Variants in SIK3 observed in about 807,000 individuals in gnomAD.
The protein encoded by SIK3 is SIK family kinase 3, also known as serine/threonine-protein kinase SIK3.
SIK3 carries 28 observed loss-of-function variants against 144.2 expected under a neutral mutation model. The ratio of observed to expected loss-of-function variants is 0.19; its 90% CI spans 0.14 to 0.27. The LOEUF is 0.27. Ranked by LOEUF, SIK3 falls within the 10% of genes least tolerant of loss-of-function variation. The probability of loss-of-function intolerance (pLI) is 1.00; values close to 1 mark genes in which losing one functional copy is unlikely to be tolerated. For missense variants in SIK3, 1,319 were observed against 1,776.0 expected, an observed-to-expected ratio of 0.74 and a Z score of 4.62; for synonymous variants, 686 against 676.3, an observed-to-expected ratio of 1.01 and a Z score of -0.22.
intron 3 of SIK3, among the ~76,000 whole-genome samples, chr11:116,941,327 C>A (rs1267326470): frequency 6.7e-6 from 1 of 150,190 alleles, no homozygotes; most frequent in African/African-American, 2.5e-5. Flanking sequence ...TTTTAATAAT[C>A]AAAGGAGTAA....
At chr11:117,087,439 C>A (rs1955065184) in intron 1 of SIK3, among the ~76,000 whole-genome samples, 1 of 148,964 alleles carries the variant, frequency 6.7e-6, no homozygotes, top group Admixed American at 6.6e-5. Context: ...CAAGACTCTG[C>A]CTCAAAAAAA....
chr11:116,940,234 T>G lies in SIK3; in HGVS notation c.455-12854A>C, dbSNP rs1052317209. ...AATATTCCTTTAAGGTTTTTTTGTT[T>G]TTTTTTTTTTTTTGAGACAGAGTCT... On this transcript the variant is annotated intron_variant, in intron 3 of 24. Transcript: ENST00000445177. Among the ~76,000 whole-genome samples the G allele has an allele frequency of 5.3e-5, 8 of 150,476 alleles. No homozygotes were observed. The East Asian group carries it at 5.8e-4, about 11-fold the overall frequency.
intron 1 of SIK3, among the ~76,000 whole-genome samples, chr11:116,993,942 T>C (rs1052609762): frequency 3.3e-5 from 5 of 152,234 alleles, no homozygotes; most frequent in Non-Finnish European, 5.9e-5. Flanking sequence ...TACACATCCG[T>C]GACGAAACAG....
intron 1 of SIK3, among the ~76,000 whole-genome samples, chr11:116,989,920 T>C (rs1371638040): frequency 6.6e-6 from 1 of 152,088 alleles, no homozygotes; most frequent in Non-Finnish European, 1.5e-5. Context: ...GTAAAAGCAA[T>C]TGAAATTTCA....
intron 4 of SIK3, among the ~76,000 whole-genome samples, chr11:116,907,475 C>T (rs548794981): frequency 3.9e-5 from 6 of 152,172 alleles, no homozygotes; most frequent in Admixed American, 6.5e-5. Flanking sequence ...GGCAAAACCC[C>T]GTCTCTACTA....
rs1233018365 is a variant in SIK3, at chr11:116,983,224, C to A, written c.274-26160G>T. 2.4e-5 allele frequency among the ~76,000 whole-genome samples: 3 copies of A among 127,362 alleles called. No individual in the cohort carries two copies. In the East Asian group the frequency reaches 6.5e-4, roughly 28 times the overall value. The allele number at this position is 127,362 out of a possible 152,430, so 83.6% of individuals were successfully genotyped here. ...CCTGGGCGACAGAGCGAGACTCTGT[C>A]TCAAAAAAAAAAAAAAAAATTGATC... is the stretch of plus-strand genomic sequence containing the variant. On this transcript the variant is annotated intron_variant, in intron 1 of 24. Coordinates refer to ENST00000445177, the MANE Select transcript of SIK3 (RefSeq NM_001366686.3).
At chr11:116,850,462 C>T (rs1351270554) in intron 21 of SIK3, among the ~76,000 whole-genome samples, 1 of 152,238 alleles carries the variant, frequency 6.6e-6, no homozygotes, top group Non-Finnish European at 1.5e-5. Flanking sequence ...CATCATTCTA[C>T]ATCCATTATC....
intron 1 of SIK3, among the ~76,000 whole-genome samples, chr11:117,043,107 T>C (rs1315837770): frequency 6.6e-6 from 1 of 152,182 alleles, no homozygotes; most frequent in Non-Finnish European, 1.5e-5. Flanking sequence ...TTATAAATTA[T>C]TGACTTGATG....
intron 14 of SIK3, 72 bp downstream of exon 14, chr11:116,870,259 G>A: frequency 6.2e-7 from 1 of 1,600,320 alleles, no homozygotes; most frequent in Non-Finnish European, 8.5e-7. Flanking sequence ...TCCTTGGGCA[G>A]AGGTGACCTT....
At chr11:117,086,832 T>TA (rs1435516009) in intron 1 of SIK3, among the ~76,000 whole-genome samples, 1 of 151,260 alleles carries the variant, frequency 6.6e-6, no homozygotes, top group African/African-American at 2.4e-5. Context: ...CCGTCTCTAC[T>TA]AAAAATACAA....
rs577100342 is a variant in SIK3, at chr11:116,873,139, G to T, written c.1737+342C>A. ...TTAAGGGCACTTTGGCCTTCTGGCA[G>T]GGAAAGGTTGCCTGGGAGAAGGCTC... On this transcript the variant is annotated intron_variant, in intron 13 of 24. Transcript: ENST00000445177. 1.1e-3 allele frequency among the ~76,000 whole-genome samples: 165 copies of T among 152,362 alleles called. 1 individual carries two copies. The highest frequency in any genetic ancestry group is 3.2e-3 in the African/African-American group (135 of 41,588).
intron 1 of SIK3, among the ~76,000 whole-genome samples, chr11:117,036,499 T>C (rs1358653443): frequency 6.6e-6 from 1 of 152,202 alleles, no homozygotes; most frequent in Non-Finnish European, 1.5e-5. Context: ...AGGTTTGTAT[T>C]TTCCCCTAAA....
At chr11:116,899,206 C>T (rs1209875818) in intron 4 of SIK3, among the ~76,000 whole-genome samples, 1 of 151,880 alleles carries the variant, frequency 6.6e-6, no homozygotes, top group Non-Finnish European at 1.5e-5. Flanking sequence ...CCAGTTTTCC[C>T]AGCACCATTT....
chr11:117,035,475 A>G (rs1162402419), intron 1 of SIK3, among the ~76,000 whole-genome samples: 1 of 152,206 alleles, frequency 6.6e-6, no homozygotes, highest in Non-Finnish European at 1.5e-5. Flanking sequence ...TCCATTTTAA[A>G]GCTTTGGCTA....
rs557253618 is a variant in SIK3 at position 116,931,887 on chromosome 11, G to A, written c.455-4507C>T. Among the ~76,000 whole-genome samples, 13 of 152,262 alleles carry A rather than the reference G, an allele frequency of 8.5e-5. 1 individual carries two copies. The South Asian group carries it at 2.7e-3, about 32-fold the overall frequency. ...TCCTATTGTCCTCTAACTCCCAGGC[G>A]TGGCTGCCACTGACTAGAGGAAGAG... On this transcript the variant is annotated intron_variant, in intron 3 of 24. Transcript: ENST00000445177.
intron 4 of SIK3, among the ~76,000 whole-genome samples, chr11:116,902,696 C>T (rs961732631): frequency 1.3e-5 from 2 of 152,210 alleles, no homozygotes; most frequent in African/African-American, 2.4e-5. Context: ...ATCCTCTAGT[C>T]TCAGAAACCT....
chr11:116,983,190 G>A (rs894854211), intron 1 of SIK3, among the ~76,000 whole-genome samples: 15 of 149,132 alleles, frequency 1.0e-4, no homozygotes, highest in Admixed American at 4.7e-4. Flanking sequence ...TTCGGCCACT[G>A]CACACCAGCC....
intron 1 of SIK3, among the ~76,000 whole-genome samples, chr11:117,068,566 T>C (rs370434979): frequency 2.0e-4 from 30 of 152,258 alleles, no homozygotes; most frequent in South Asian, 6.2e-4. Flanking sequence ...CTGGGCAATA[T>C]AGCGAGACCC....
At chr11:116,862,135 TGCA>T in intron 17 of SIK3, 64 bp downstream of exon 17, 2 of 1,610,810 alleles carry the variant, frequency 1.2e-6, no homozygotes, top group South Asian at 2.2e-5. Context: ...TCCTCCAAAA[TGCA>T]CAGGCAAATC....
Sources: gnomAD v4.1 joint callset for allele counts (sites outside exome capture counted in the v4.1 genomes callset) on GRCh38, gnomAD v4.1.1 for gene constraint, MANE v1.5 for transcripts, NCBI Gene and HGNC (gene_info 2026-07-23, HGNC 2026-07-21) for gene names.